Variants in EYS observed in about 807,000 individuals in gnomAD.
EYS encodes the protein EGF-like photoreceptor maintenance factor.
Under a neutral mutation model 282.1 loss-of-function variants are expected in EYS, and 250 were observed. That is an observed-to-expected ratio of 0.89 (90% CI 0.80 to 0.98). The LOEUF is 0.98. Among genes scored for constraint, EYS ranks in the 50% least tolerant of loss-of-function variants. The pLI is 0.00. For synonymous variants in EYS, 1,355 were observed against 1,282.9 expected (o/e 1.06, Z -1.20); for missense variants, 4,016 against 3,709.0 (o/e 1.08, Z -2.15).
At chr6:64,219,404 T>C (rs939158021) in intron 31 of EYS, among the ~76,000 whole-genome samples, 2 of 152,220 alleles carry the variant, frequency 1.3e-5, no homozygotes, top group African/African-American at 4.8e-5. Flanking sequence ...AGAAATGAAA[T>C]TATTCTTGAG....
intron 26 of EYS, among the ~76,000 whole-genome samples, chr6:64,460,519 G>A (rs1319473179): frequency 6.6e-6 from 1 of 152,194 alleles, no homozygotes; most frequent in Non-Finnish European, 1.5e-5. Context: ...GCAATGTTTA[G>A]AGAGTCACAT....
chr6:63,878,697 T>A (rs953486210), intron 35 of EYS, among the ~76,000 whole-genome samples: 5 of 152,190 alleles, frequency 3.3e-5, no homozygotes, highest in African/African-American at 4.8e-5. Flanking sequence ...TCCCCCACCC[T>A]TGCTGTCACC....
chr6:64,729,697 T>C lies in EYS; in HGVS notation c.3443+83681A>G, dbSNP rs139834598. Among the ~76,000 whole-genome samples, 1,227 of 152,242 alleles carry C rather than the reference T, an allele frequency of 8.1e-3. 16 individuals carry two copies. The highest frequency in any genetic ancestry group is 0.028 in the African/African-American group (1,171 of 41,556). On this transcript the variant is annotated intron_variant, in intron 22 of 42. Transcript: ENST00000503581. ...CATGTTTTTTTGTCCGTAAAAGTAA[T>C]GGTAAAAACCGCAATAACTTTTGCA... is the stretch of plus-strand genomic sequence containing the variant.
At chr6:65,536,968 T>G (rs1455798369) in intron 2 of EYS, among the ~76,000 whole-genome samples, 1 of 152,140 alleles carries the variant, frequency 6.6e-6, no homozygotes, top group Non-Finnish European at 1.5e-5. Context: ...AAAACAAGTT[T>G]TATAACTAAA....
chr6:64,497,207 C>A (rs1199593434), intron 26 of EYS, among the ~76,000 whole-genome samples: 1 of 152,074 alleles, frequency 6.6e-6, no homozygotes, highest in Non-Finnish European at 1.5e-5. Flanking sequence ...ACATAGTGTA[C>A]AACAGAAGAC....
intron 1 of EYS, among the ~76,000 whole-genome samples, chr6:65,643,585 C>T (rs1767351472): frequency 6.6e-6 from 1 of 152,198 alleles, no homozygotes; most frequent in Admixed American, 6.5e-5. Flanking sequence ...AGCTGATGCA[C>T]TCTTGAAAGT....
chr6:65,705,375 A>C (rs1021350), intron 1 of EYS, among the ~76,000 whole-genome samples: 53,721 of 151,950 alleles, frequency 0.35, 11,982 homozygotes, highest in Non-Finnish European at 0.49. Flanking sequence ...GAAATGTTTT[A>C]TTTCTTTTGG....
intron 32 of EYS, among the ~76,000 whole-genome samples, chr6:64,070,481 A>T (rs1241120463): frequency 6.6e-6 from 1 of 152,074 alleles, no homozygotes; most frequent in Non-Finnish European, 1.5e-5. Context: ...TTTATCGGCA[A>T]AAAATACTAT....
At chr6:63,989,807 ATAT>A (rs1189591162) in intron 34 of EYS, among the ~76,000 whole-genome samples, 1 of 151,498 alleles carries the variant, frequency 6.6e-6, no homozygotes, top group Non-Finnish European at 1.5e-5. Flanking sequence ...AATAAATGTT[ATAT>A]TATTATTCTA....
intron 1 of EYS, among the ~76,000 whole-genome samples, chr6:65,669,920 T>G (rs1768333210): frequency 1.3e-5 from 2 of 152,020 alleles, no homozygotes; most frequent in Admixed American, 1.3e-4. Flanking sequence ...TTATAACATA[T>G]ACTTGTGATA....
intron 26 of EYS, among the ~76,000 whole-genome samples, chr6:64,574,517 T>G (rs1241310303): frequency 1.3e-5 from 2 of 152,196 alleles, no homozygotes; most frequent in Non-Finnish European, 2.9e-5. Flanking sequence ...AAGCATGGAA[T>G]GCATGAATCA....
At chr6:64,887,237 A>G (rs944376871) in intron 18 of EYS, among the ~76,000 whole-genome samples, 1 of 140,604 alleles carries the variant, frequency 7.1e-6, no homozygotes, top group African/African-American at 2.6e-5. Context: ...CAATGAGAAC[A>G]CATGGACACA....
chr6:64,533,289 A>T (rs975262028), intron 26 of EYS, among the ~76,000 whole-genome samples: 2 of 152,220 alleles, frequency 1.3e-5, no homozygotes, highest in Admixed American at 1.3e-4. Flanking sequence ...CAAAAGAACT[A>T]CTTGAAGAAG....
Position 63,721,671 on chromosome 6 carries a change from T to G in EYS, c.8360A>C (p.Lys2787Thr). ...TINGSTWHII[K>T]AGRVGAEGYL... ...GCCTTCTGCACCAACTCTTCCTGCT[T>G]TTATTATATGCCAAGTACTTCCGTT... is the stretch of plus-strand genomic sequence containing the variant. The change falls in exon 43 of 43, where the codon AAA (lysine) becomes ACA (threonine). Residue 2787 changes from lysine (K) to threonine (T), a missense_variant. Lys to Thr is a moderately conservative substitution (Grantham distance 78, BLOSUM62 -1). Coordinates refer to ENST00000503581, the MANE Select transcript of EYS (RefSeq NM_001142800.2). 1 of 1,551,504 alleles carries G rather than the reference T, an allele frequency of 6.4e-7. No homozygotes were observed. Among genetic ancestry groups the G allele is most frequent in the Non-Finnish European group, 8.7e-7 (1 of 1,146,816 alleles).
intron 35 of EYS, among the ~76,000 whole-genome samples, chr6:63,910,672 T>G (rs778851761): frequency 9.2e-5 from 14 of 152,222 alleles, no homozygotes; most frequent in Non-Finnish European, 2.1e-4. Flanking sequence ...AAAACTCTTT[T>G]AAATCATGTT....
intron 7 of EYS, among the ~76,000 whole-genome samples, chr6:65,396,063 A>G (rs573822240): frequency 2.0e-5 from 3 of 152,190 alleles, no homozygotes; most frequent in African/African-American, 7.2e-5. Context: ...TTACATGCAT[A>G]CACATGCAAA....
At chr6:64,606,372 C>T (rs771649973) in intron 24 of EYS, among the ~76,000 whole-genome samples, 1 of 151,884 alleles carries the variant, frequency 6.6e-6, no homozygotes, top group African/African-American at 2.4e-5. Context: ...TCTGAGCAAA[C>T]AAATTTGGAC....
chr6:64,112,636 A>C (rs979528310), intron 31 of EYS, among the ~76,000 whole-genome samples: 3 of 151,554 alleles, frequency 2.0e-5, no homozygotes, highest in African/African-American at 7.3e-5. Context: ...CTTTTCTATC[A>C]CATGAAACAA....
chr6:64,986,804 A>G, intron 14 of EYS, among the ~76,000 whole-genome samples: 1 of 114,726 alleles, frequency 8.7e-6, no homozygotes, highest in African/African-American at 2.6e-5. Flanking sequence ...CAGAATATAT[A>G]TATATATATA....
Sources: gnomAD v4.1 joint callset for allele counts (sites outside exome capture counted in the v4.1 genomes callset) on GRCh38, gnomAD v4.1.1 for gene constraint, MANE v1.5 for transcripts, NCBI Gene and HGNC (gene_info 2026-07-23, HGNC 2026-07-21) for gene names.